The following ELAPOR1 variants were observed in gnomAD, a reference collection of about 807,000 sequenced individuals.
ELAPOR1 encodes the protein endosome-lysosome associated apoptosis and autophagy regulator 1, also known as endosome/lysosome-associated apoptosis and autophagy regulator 1.
Under a neutral mutation model 119.7 loss-of-function variants are expected in ELAPOR1, and 77 were observed. The observed-to-expected ratio is 0.64, with a 90% CI of 0.54 to 0.78. The LOEUF (loss-of-function observed/expected upper bound fraction) is 0.78. Among genes scored for constraint, ELAPOR1 ranks in the 30% least tolerant of loss-of-function variants. ELAPOR1 has a pLI of 0.00. For missense variants in ELAPOR1, 1,115 were observed against 1,270.4 expected (o/e 0.88, Z 1.86); for synonymous variants, 481 against 487.2 (o/e 0.99, Z 0.17).
chr1:109,125,676 G>A (rs1170373119), intron 1 of ELAPOR1, among the ~76,000 whole-genome samples: 5 of 152,238 alleles, frequency 3.3e-5, no homozygotes, highest in Admixed American at 6.5e-5. Context: ...GAGCCACCAC[G>A]CCCGGCCAAG....
chr1:109,144,061 A>ATATTTTTT lies in ELAPOR1; in HGVS notation c.154-17832_154-17831insATTTTTTT. Among the ~76,000 whole-genome samples, 13 of 88,982 alleles carry ATATTTTTT rather than the reference A, an allele frequency of 1.5e-4. 1 individual carries two copies. The South Asian group carries it at 1.8e-3, about 12-fold the overall frequency. The allele number at this position is 88,982 out of a possible 152,430, so 58.4% of individuals were successfully genotyped here. A position where few individuals can be genotyped will look rare whatever the true frequency, so the allele number is the denominator to read the frequency against. On this transcript the variant is annotated intron_variant, in intron 1 of 21. Transcript: ENST00000369939. ...TATATATATATATATATATTTATAT[A>ATATTTTTT]TTTTTTTTTTTTTTTGAGATGGAGT...
chr1:109,150,254 A>C (rs972412119), intron 1 of ELAPOR1, among the ~76,000 whole-genome samples: 1 of 152,192 alleles, frequency 6.6e-6, no homozygotes, highest in Non-Finnish European at 1.5e-5. Context: ...CAGGGGGACC[A>C]GTTGCTGTCT....
rs1396037210 is a variant in ELAPOR1, at chr1:109,206,028, T to C, written c.*3016T>C. The C allele has an allele frequency of 6.6e-6, 1 of 152,230 alleles. No individual in the cohort carries two copies. Among genetic ancestry groups the C allele is most frequent in the African/African-American group, 2.4e-5 (1 of 41,456 alleles). The allele number at this position is 152,230 out of a possible 1,614,324, so 9.4% of individuals were successfully genotyped here. ...CATGTTCAATTTTCTTTTCCTTTTT[T>C]TTTTTGAGACAGAGTCAGCTTTGTT... On this transcript the variant is annotated 3_prime_UTR_variant, in exon 22 of 22. Transcript: ENST00000369939.
In ELAPOR1 at chr1:109,185,089, A is replaced by G; in HGVS notation, c.997A>G (p.Lys333Glu). ...TAACGTGCGCCCAGCTTGCACAGAC[A>G]AAGATTATTTCTACACACACACGGC... The part of the protein sequence containing the change: ...SCNVRPACTD[K>E]DYFYTHTACD... Residue 333 changes from lysine to glutamate, a missense_variant, in exon 8 of 22, where the codon AAA (lysine) becomes GAA (glutamate). Lys to Glu is a moderately conservative substitution (Grantham distance 56, BLOSUM62 1). Coordinates refer to ENST00000369939, the MANE Select transcript of ELAPOR1 (RefSeq NM_020775.5). 1.2e-6 allele frequency: 2 copies of G among 1,614,224 alleles called. No individual in the cohort carries two copies. The highest frequency in any genetic ancestry group is 1.7e-6 in the Non-Finnish European group (2 of 1,180,028).
chr1:109,163,567 A>ATTT (rs35626059), intron 2 of ELAPOR1, among the ~76,000 whole-genome samples: 1 of 147,842 alleles, frequency 6.8e-6, no homozygotes. Flanking sequence ...TAATTTAAAC[A>ATTT]TTTTTTTTTT....
In ELAPOR1 at chr1:109,120,005, CT is replaced by C. The variant is rs557679614; in HGVS notation, c.153+5670del. Among the ~76,000 whole-genome samples, 821 of 152,266 alleles carry C rather than the reference CT, an allele frequency of 5.4e-3. 11 individuals are homozygous for C. Among genetic ancestry groups the C allele is most frequent in the African/African-American group, 0.018 (736 of 41,554 alleles). ...CTATGGTCTGATGTTTGTGTCCCCC[CT>C]AAATTCATACATTGATACCTAATCC... is the stretch of plus-strand genomic sequence containing the variant. On this transcript the variant is annotated intron_variant, in intron 1 of 21. Transcript: ENST00000369939.
chr1:109,174,437 AAAAAAAAAAAAT>A (rs1652126334), intron 7 of ELAPOR1, among the ~76,000 whole-genome samples: 1 of 146,190 alleles, frequency 6.8e-6, no homozygotes, highest in African/African-American at 2.6e-5. Flanking sequence ...AAAAAAAAAA[AAAAAAAAAAAAT>A]CATTCAATAA....
chr1:109,148,685 A>AG (rs1558032491), intron 1 of ELAPOR1, among the ~76,000 whole-genome samples: 2 of 152,202 alleles, frequency 1.3e-5, no homozygotes, highest in African/African-American at 4.8e-5. Context: ...ACATATCCAA[A>AG]CAAGCAATGT....
intron 4 of ELAPOR1, 125 bp downstream of exon 4, chr1:109,172,138 G>C (rs2101059096): frequency 8.1e-7 from 1 of 1,228,696 alleles, no homozygotes; most frequent in Non-Finnish European, 1.2e-6. Context: ...TCTCTGGAGA[G>C]AGCTGTGGGC....
At chr1:109,133,169 G>A (rs1284762044) in intron 1 of ELAPOR1, among the ~76,000 whole-genome samples, 2 of 152,144 alleles carry the variant, frequency 1.3e-5, no homozygotes, top group Non-Finnish European at 2.9e-5. Flanking sequence ...GGTTGAGGGT[G>A]CGGTGAGCTC....
chr1:109,169,227 T>A (rs1489513129), intron 3 of ELAPOR1, among the ~76,000 whole-genome samples: 2 of 152,170 alleles, frequency 1.3e-5, no homozygotes, highest in Non-Finnish European at 1.5e-5. Flanking sequence ...AATCTGAGAT[T>A]CCTTTAACTG....
In ELAPOR1 at chr1:109,162,950, G is replaced by A. The variant is rs186867295; in HGVS notation, c.274+936G>A. Reference sequence around the variant, plus strand: ...CTCTCTGCTTTCAGAAGCTTAGGGTGGTGGAAAGTGCAGACATTCATTCAT... The same window carrying A: ...CTCTCTGCTTTCAGAAGCTTAGGGTAGTGGAAAGTGCAGACATTCATTCAT... On this transcript the variant is annotated intron_variant, in intron 2 of 21. Transcript: ENST00000369939. Among the ~76,000 whole-genome samples, 21 of 152,350 alleles carry A rather than the reference G, an allele frequency of 1.4e-4. No homozygotes were observed. In the East Asian group the frequency reaches 4.0e-3, roughly 29 times the overall value.
chr1:109,123,578 T>A (rs1480121187), intron 1 of ELAPOR1, among the ~76,000 whole-genome samples: 1 of 152,236 alleles, frequency 6.6e-6, no homozygotes, highest in Non-Finnish European at 1.5e-5. Context: ...ATTTCTCTAT[T>A]CCCTTTTGGC....
chr1:109,164,468 T>C (rs756203386), intron 2 of ELAPOR1, 31 bp from the exon 3 acceptor site: 2 of 1,582,240 alleles, frequency 1.3e-6, no homozygotes, highest in Non-Finnish European at 1.7e-6. Context: ...GTGACCTCAC[T>C]GCCCCACCTT....
intron 1 of ELAPOR1, among the ~76,000 whole-genome samples, chr1:109,127,478 T>A (rs1023068921): frequency 1.3e-5 from 2 of 152,150 alleles, no homozygotes; most frequent in Non-Finnish European, 1.5e-5. Context: ...CCTCCCGAAG[T>A]GCTGGGATTA....
intron 1 of ELAPOR1, among the ~76,000 whole-genome samples, chr1:109,147,025 C>A (rs1361132956): frequency 6.6e-6 from 1 of 152,042 alleles, no homozygotes; most frequent in African/African-American, 2.4e-5. Flanking sequence ...CCTGCCTCAG[C>A]CTCCGGAATA....
At chr1:109,152,357 T>A (rs1650585877) in intron 1 of ELAPOR1, among the ~76,000 whole-genome samples, 1 of 152,204 alleles carries the variant, frequency 6.6e-6, no homozygotes, top group South Asian at 2.1e-4. Flanking sequence ...ACCTGTTTCT[T>A]GACACAGATC....
At chr1:109,186,496 A>C in intron 8 of ELAPOR1, 1 of 975,108 alleles carries the variant, frequency 1.0e-6, no homozygotes, top group Non-Finnish European at 1.2e-6. Flanking sequence ...CTGGTCCTTA[A>C]CAATGAATAT....
chr1:109,175,123 A>G (rs918937103), intron 7 of ELAPOR1, among the ~76,000 whole-genome samples: 1 of 151,450 alleles, frequency 6.6e-6, no homozygotes, highest in Non-Finnish European at 1.5e-5. Context: ...AGCCTTCCAA[A>G]GTGCTGGGAT....
Sources: gnomAD v4.1 joint callset for allele counts (sites outside exome capture counted in the v4.1 genomes callset) on GRCh38, gnomAD v4.1.1 for gene constraint, MANE v1.5 for transcripts, NCBI Gene and HGNC (gene_info 2026-07-23, HGNC 2026-07-21) for gene names.